The following RSPO4 variants were observed in gnomAD, a reference collection of about 807,000 sequenced individuals.
RSPO4 encodes the protein R-spondin 4.
In RSPO4, 23 loss-of-function variants were observed where a neutral mutation model predicts 24.8. That is an observed-to-expected ratio of 0.93 (90% CI 0.67 to 1.31). The LOEUF (loss-of-function observed/expected upper bound fraction) is 1.31. Among genes scored for constraint, RSPO4 ranks in the 40% most tolerant of loss-of-function variants. The probability of loss-of-function intolerance (pLI) is 0.00; values close to 1 mark genes in which losing one functional copy is unlikely to be tolerated. For synonymous variants in RSPO4, 141 were observed against 127.4 expected, an observed-to-expected ratio of 1.11 and a Z score of -0.72; for missense variants, 333 against 316.5, an observed-to-expected ratio of 1.05 and a Z score of -0.39.
chr20:973,851 G>A (rs1032454523), intron 1 of RSPO4, among the ~76,000 whole-genome samples: 1 of 152,200 alleles, frequency 6.6e-6, no homozygotes, highest in Non-Finnish European at 1.5e-5. Context: ...TTGAAGGGTA[G>A]TGGCTGTTTC....
chr20:963,841 C>T, intron 4 of RSPO4, 94 bp downstream of exon 4: 2 of 1,302,078 alleles, frequency 1.5e-6, no homozygotes, highest in Non-Finnish European at 1.1e-6. Context: ...TTCAGGCAGT[C>T]TCATAGATAC....
intron 1 of RSPO4, among the ~76,000 whole-genome samples, chr20:1,000,397 C>A (rs1985424983): frequency 6.6e-6 from 1 of 152,146 alleles, no homozygotes; most frequent in South Asian, 2.1e-4. Context: ...CTGTGAGTAG[C>A]CAAAGACACA....
intron 4 of RSPO4, among the ~76,000 whole-genome samples, 191 bp downstream of exon 4, chr20:963,744 C>G (rs756020698): frequency 2.6e-5 from 4 of 152,180 alleles, no homozygotes; most frequent in Non-Finnish European, 5.9e-5. Flanking sequence ...GTATTTGGGA[C>G]TGAACCCAGC....
In RSPO4 at chr20:958,484, T is replaced by A. The variant is rs552295984; in HGVS notation, c.*1873A>T. On this transcript the variant is annotated 3_prime_UTR_variant, in exon 5 of 5. Coordinates refer to ENST00000217260, the MANE Select transcript of RSPO4 (RefSeq NM_001029871.4). Reference sequence around the variant, plus strand: ...GTTTCTTTTCCCTTTATTAAGAAAGTTTTAAAAAAAAGTTAGGGTCTTGAA... The same window carrying A: ...GTTTCTTTTCCCTTTATTAAGAAAGATTTAAAAAAAAGTTAGGGTCTTGAA... 1 of 152,238 alleles carries A rather than the reference T, an allele frequency of 6.6e-6. No homozygotes were observed. Among genetic ancestry groups the A allele is most frequent in the South Asian group, 2.1e-4 (1 of 4,826 alleles). The allele number at this position is 152,238 out of a possible 1,614,324, so 9.4% of individuals were successfully genotyped here. A position where few individuals can be genotyped will look rare whatever the true frequency, so the allele number is the denominator to read the frequency against.
chr20:960,438 C>T lies in RSPO4; in HGVS notation c.624G>A (p.Arg208=). 1.9e-6 allele frequency: 3 copies of T among 1,539,770 alleles called. No homozygotes were observed. Among genetic ancestry groups the T allele is most frequent in the Middle Eastern group, 3.3e-4 (2 of 5,984 alleles). ...GERSPGQKKG[R]KDRRPRKDRK... The stretch of plus-strand genomic sequence containing the variant: ...TGTCCTTGCGTGGGCGCCGGTCCTT[C>T]CTGCCCTTCTTCTGGCCGGGGCTCC... The change falls in exon 5 of 5, where the codon AGG becomes AGA. Residue 208 remains arginine, a synonymous_variant. Transcript: ENST00000217260.
intron 1 of RSPO4, among the ~76,000 whole-genome samples, chr20:996,829 G>A (rs575165561): frequency 5.3e-5 from 8 of 149,902 alleles, no homozygotes; most frequent in Middle Eastern, 3.2e-3. Flanking sequence ...CTTCGGCCAC[G>A]CAGTCCCTTG....
At chr20:998,079 G>C (rs1985351129) in intron 1 of RSPO4, among the ~76,000 whole-genome samples, 3 of 152,250 alleles carry the variant, frequency 2.0e-5, no homozygotes, top group Non-Finnish European at 4.4e-5. Context: ...GGGAAGCACG[G>C]ACGGGAGAAG....
intron 1 of RSPO4, among the ~76,000 whole-genome samples, chr20:972,676 A>G (rs1188985569): frequency 1.3e-5 from 2 of 152,188 alleles, no homozygotes; most frequent in Non-Finnish European, 2.9e-5. Flanking sequence ...GGAGGAAAGC[A>G]TTGCCCATCT....
intron 1 of RSPO4, among the ~76,000 whole-genome samples, chr20:997,847 C>T (rs969256929): frequency 5.3e-5 from 8 of 152,174 alleles, no homozygotes; most frequent in South Asian, 2.1e-4. Flanking sequence ...AGGTTTGCTC[C>T]GGATGCACCA....
rs369390042 is a variant in RSPO4, at chr20:966,947, C to T, written c.409+227G>A. Among the ~76,000 whole-genome samples the T allele has an allele frequency of 2.6e-5, 4 of 152,332 alleles. No homozygotes were observed. In the South Asian group the frequency reaches 8.3e-4, roughly 32 times the overall value. Reference sequence around the variant, plus strand: ...GATTCCCTTGGCATTAATAACAATGCCAGTGTTGGTTGTAGTAGTAATCAT... The same window carrying T: ...GATTCCCTTGGCATTAATAACAATGTCAGTGTTGGTTGTAGTAGTAATCAT... On this transcript the variant is annotated intron_variant, in intron 3 of 4. Transcript: ENST00000217260.
intron 2 of RSPO4, 87 bp from the exon 3 acceptor site, chr20:967,401 G>T: frequency 1.4e-6 from 2 of 1,423,972 alleles, no homozygotes; most frequent in Admixed American, 3.4e-5. Flanking sequence ...GGCCCTCTGG[G>T]TAGCTCCAGG....
intron 1 of RSPO4, among the ~76,000 whole-genome samples, chr20:997,271 G>A (rs903603438): frequency 3.3e-5 from 5 of 152,144 alleles, no homozygotes; most frequent in Admixed American, 6.5e-5. Flanking sequence ...GATGGTTTCC[G>A]TCCACAGGAG....
At chr20:1,000,597 T>A (rs1199787516) in intron 1 of RSPO4, among the ~76,000 whole-genome samples, 1 of 152,186 alleles carries the variant, frequency 6.6e-6, no homozygotes, top group East Asian at 1.9e-4. Context: ...AGAGATCTTC[T>A]AAAGGACCCT....
chr20:976,823 T>A (rs1984581182), intron 1 of RSPO4, among the ~76,000 whole-genome samples: 1 of 152,028 alleles, frequency 6.6e-6, no homozygotes, highest in Non-Finnish European at 1.5e-5. Flanking sequence ...AAAACAAGAC[T>A]AATTTGGATA....
At position 1,002,295 on chromosome 20, in the gene RSPO4, G is replaced by A. The variant is rs146447064; in HGVS notation, c.-131C>T. ...GGGCGCATCCGCCAGGCGCGGGTCG[G>A]TCCGGCCGCCAGGTCTAGTGAGGGC... On this transcript the variant is annotated 5_prime_UTR_variant, in exon 1 of 5. Coordinates refer to ENST00000217260, the MANE Select transcript of RSPO4 (RefSeq NM_001029871.4). The surrounding 1 kb of genome is among the most constrained non-coding windows in gnomAD (Gnocchi z 4.6). 15,168 of 334,070 alleles carry A rather than the reference G, an allele frequency of 0.045. 481 individuals are homozygous for A. Among genetic ancestry groups the A allele is most frequent in the Middle Eastern group, 0.064 (53 of 826 alleles). 20.7% of individuals were successfully genotyped at this position (334,070 alleles called of 1,614,324 possible).
intron 1 of RSPO4, among the ~76,000 whole-genome samples, chr20:969,486 C>A (rs747279003): frequency 4.6e-5 from 7 of 152,204 alleles, no homozygotes; most frequent in Non-Finnish European, 5.9e-5. Context: ...GACATAAACT[C>A]ATGTCCATAG....
chr20:960,556 C>T (rs2122203510), intron 4 of RSPO4, 90 bp from the exon 5 acceptor site: 1 of 914,460 alleles, frequency 1.1e-6, no homozygotes, highest in Non-Finnish European at 1.7e-6. Context: ...AAGGGTGCCC[C>T]ACCCACTCCC....
rs888182704 is a variant in RSPO4, at chr20:958,650, G to GT, written c.*1706_*1707insA. The GT allele has an allele frequency of 2.0e-5, 3 of 151,842 alleles. No homozygotes were observed. The highest frequency in any genetic ancestry group is 7.3e-5 in the African/African-American group (3 of 41,264). 9.4% of individuals were successfully genotyped at this position (151,842 alleles called of 1,614,324 possible). On this transcript the variant is annotated 3_prime_UTR_variant, in exon 5 of 5. Coordinates refer to ENST00000217260, the MANE Select transcript of RSPO4 (RefSeq NM_001029871.4). ...AGAGAGAGGGTGGGCCTGCTGGGAG[G>GT]GGGGGGTTCAGGCCAGGGCTCCCCA... is the stretch of plus-strand genomic sequence containing the variant.
rs932000528 is a variant in RSPO4 at position 967,882 on chromosome 20, G to A, written c.268+68C>T. 1.2e-5 allele frequency: 17 copies of A among 1,426,992 alleles called. 1 individual carries two copies. The Middle Eastern group carries it at 1.6e-3, about 133-fold the overall frequency. The allele number at this position is 1,426,992 out of a possible 1,614,324, so 88.4% of individuals were successfully genotyped here. A position where few individuals can be genotyped will look rare whatever the true frequency, so the allele number is the denominator to read the frequency against. On this transcript the variant is annotated intron_variant, in intron 2 of 4. Coordinates refer to ENST00000217260, the MANE Select transcript of RSPO4 (RefSeq NM_001029871.4). ...CCCCTCTGTCTGTGCTGGGGTGAAA[G>A]GGTGGGATCTAAGCCCATGGTGTCT... is the stretch of plus-strand genomic sequence containing the variant.
Sources: allele counts gnomAD v4.1 joint callset (sites outside exome capture counted in the v4.1 genomes callset), GRCh38; gene constraint gnomAD v4.1.1; non-coding constraint Gnocchi (gnomAD v3.1); transcripts MANE v1.5; gene names NCBI Gene and HGNC (gene_info 2026-07-23, HGNC 2026-07-21).